Variants in DSC1 observed in about 807,000 individuals in gnomAD.
The protein encoded by DSC1 is desmocollin 1, also known as desmocollin-1.
In DSC1, 79 loss-of-function variants were observed where a neutral mutation model predicts 98.8. That is an observed-to-expected ratio of 0.80 (90% CI 0.67 to 0.96). The LOEUF (loss-of-function observed/expected upper bound fraction) is 0.96. Among genes scored for constraint, DSC1 ranks in the 50% least tolerant of loss-of-function variants. DSC1 has a pLI of 0.00. For synonymous variants in DSC1, 405 were observed against 372.1 expected (o/e 1.09, Z -1.02); for missense variants, 1,115 against 1,075.9 (o/e 1.04, Z -0.51).
intron 3 of DSC1, 101 bp from the exon 4 acceptor site, chr18:31,156,263 A>C: frequency 1.4e-6 from 2 of 1,383,238 alleles, no homozygotes; most frequent in South Asian, 1.4e-5. Context: ...AGGGTTACAC[A>C]TTACAATATC....
At position 31,129,861 on chromosome 18, in the gene DSC1, A is replaced by G. The variant is rs2144907827; in HGVS notation, c.*653T>C. The G allele has an allele frequency of 6.6e-6, 1 of 152,298 alleles. No homozygotes were observed. Among genetic ancestry groups the G allele is most frequent in the Non-Finnish European group, 1.5e-5 (1 of 68,052 alleles). The allele number at this position is 152,298 out of a possible 1,614,324, so 9.4% of individuals were successfully genotyped here. A position where few individuals can be genotyped will look rare whatever the true frequency, so the allele number is the denominator to read the frequency against. On this transcript the variant is annotated 3_prime_UTR_variant, in exon 16 of 16. Coordinates refer to ENST00000257198, the MANE Select transcript of DSC1 (RefSeq NM_024421.2). ...TTGTTCTGGTCCTTATCTTTCCAAG[A>G]ACCCTAGAAGTTGGAGTGACCTAAC...
chr18:31,132,529 TTC>T, intron 14 of DSC1, 37 bp downstream of exon 14: 1 of 1,606,840 alleles, frequency 6.2e-7, no homozygotes, highest in Non-Finnish European at 8.5e-7. Context: ...TCATCATTTG[TTC>T]ACCGTACAAT....
intron 9 of DSC1, among the ~76,000 whole-genome samples, chr18:31,140,615 T>A (rs1030481012): frequency 1.2e-4 from 19 of 152,222 alleles, no homozygotes; most frequent in Admixed American, 1.1e-3. Context: ...CAAATTACTT[T>A]ACTGCTTATT....
rs148753582 is a variant in DSC1, at chr18:31,144,110, G to GT, written c.940-320dup. On this transcript the variant is annotated intron_variant, in intron 7 of 15. Coordinates refer to ENST00000257198, the MANE Select transcript of DSC1 (RefSeq NM_024421.2). ...TTTTTAGTAGAGACAGGGTTTTACT[G>GT]TGTTGCCCAGGCTGGTCACGAACTC... is the stretch of plus-strand genomic sequence containing the variant. 9.7e-3 allele frequency among the ~76,000 whole-genome samples: 1,482 copies of GT among 152,098 alleles called. 8 individuals carry two copies. The highest frequency in any genetic ancestry group is 0.016 in the Non-Finnish European group (1,056 of 67,986).
At chr18:31,130,847 A>T (rs1186011834) in intron 15 of DSC1, 136 bp from the exon 16 acceptor site, 6 of 1,607,704 alleles carry the variant, frequency 3.7e-6, no homozygotes, top group Non-Finnish European at 4.2e-6. Flanking sequence ...TCCTATATAT[A>T]AAAAATGCAC....
At chr18:31,131,213 G>T (rs1194715724) in intron 15 of DSC1, among the ~76,000 whole-genome samples, 1 of 152,044 alleles carries the variant, frequency 6.6e-6, no homozygotes, top group Admixed American at 6.6e-5. Flanking sequence ...TGATAGCCAG[G>T]ACTTCATAAC....
intron 11 of DSC1, among the ~76,000 whole-genome samples, chr18:31,139,219 T>C (rs1988677127): frequency 6.6e-6 from 1 of 152,124 alleles, no homozygotes; most frequent in Non-Finnish European, 1.5e-5. Context: ...AAATTGACCT[T>C]GGTAAAAGAT....
rs1988457771 is a variant in DSC1, at chr18:31,130,400, T to C, written c.*114A>G. ...CTCATATTTATAGTACCCTTACCTA[T>C]ACATGACAAAGTTTACCTCCATAAA... On this transcript the variant is annotated 3_prime_UTR_variant, in exon 16 of 16. Transcript: ENST00000257198. 2 of 1,122,744 alleles carry C rather than the reference T, an allele frequency of 1.8e-6. No homozygotes were observed. Among genetic ancestry groups the C allele is most frequent in the African/African-American group, 1.6e-5 (1 of 64,402 alleles). The allele number at this position is 1,122,744 out of a possible 1,614,324, so 69.5% of individuals were successfully genotyped here.
chr18:31,150,136 CACCATTATCATCGCA>C (rs1988935223), intron 5 of DSC1, among the ~76,000 whole-genome samples: 72 of 147,866 alleles, frequency 4.9e-4, no homozygotes, highest in Non-Finnish European at 5.6e-4. Flanking sequence ...CCACCATTAT[CACCATTATCATCGCA>C]ATCACCACCA....
At chr18:31,134,184 T>G in intron 12 of DSC1, 54 bp from the exon 13 acceptor site, 2 of 1,568,092 alleles carry the variant, frequency 1.3e-6, no homozygotes, top group Admixed American at 3.4e-5. Flanking sequence ...ATGGCAGTAT[T>G]ATTCCTACTC....
chr18:31,149,468 G>T (rs1393277488), intron 5 of DSC1, among the ~76,000 whole-genome samples: 1 of 152,154 alleles, frequency 6.6e-6, no homozygotes, highest in Non-Finnish European at 1.5e-5. Context: ...CAGTTGCCAA[G>T]TTCTAGAGAT....
Position 31,155,175 on chromosome 18 carries a change from C to T in DSC1, c.472-246G>A, listed in dbSNP as rs375991310. 6.6e-5 allele frequency among the ~76,000 whole-genome samples: 10 copies of T among 152,258 alleles called. No homozygotes were observed. The South Asian group carries it at 1.7e-3, about 25-fold the overall frequency. On this transcript the variant is annotated intron_variant, in intron 4 of 15. Transcript: ENST00000257198. ...TTTTGTCATTTGTATATCTATAAAACATGTAGAGTAATACACTTTTCAAGT... is the reference window on the plus strand; with the variant it reads ...TTTTGTCATTTGTATATCTATAAAATATGTAGAGTAATACACTTTTCAAGT...
At chr18:31,140,867 T>C (rs2144928868) in intron 9 of DSC1, among the ~76,000 whole-genome samples, 1 of 152,304 alleles carries the variant, frequency 6.6e-6, no homozygotes, top group South Asian at 2.1e-4. Flanking sequence ...TCTCCCAGAA[T>C]TCCCACCTGT....
At position 31,131,709 on chromosome 18, in the gene DSC1, G is replaced by A. The variant is rs754301512; in HGVS notation, c.2372C>T (p.Ser791Phe). The A allele has an allele frequency of 6.2e-6, 10 of 1,614,062 alleles. No homozygotes were observed. The highest frequency in any genetic ancestry group is 8.5e-6 in the Non-Finnish European group (10 of 1,179,984). The stretch of plus-strand genomic sequence containing the variant: ...GGTCTGATGTCCACCTCCTTTGTTG[G>A]AATCCAAAGTGTAGCCTCCTTTGAC... ...EMVKGGYTLD[S>F]NKGGGHQTLE... The change falls in exon 15 of 16, where the codon TCC becomes TTC. Residue 791 changes from serine (S) to phenylalanine (F), a missense_variant. Transcript: ENST00000257198.
intron 11 of DSC1, among the ~76,000 whole-genome samples, chr18:31,138,592 G>A (rs1019185074): frequency 7.0e-6 from 1 of 143,266 alleles, no homozygotes; most frequent in Non-Finnish European, 1.5e-5. Context: ...TAATATCTGA[G>A]AACACATTGT....
In DSC1 at chr18:31,140,231, T is replaced by C; in HGVS notation, c.1331A>G (p.Lys444Arg). 1 of 1,614,076 alleles carries C rather than the reference T, an allele frequency of 6.2e-7. No individual in the cohort carries two copies. The highest frequency in any genetic ancestry group is 8.5e-7 in the Non-Finnish European group (1 of 1,179,946). The part of the protein sequence containing the change: ...VGVINEAQFS[K>R]AASSQTPTMC... ...TGTAGGAGTTTGTGAGCTCGCTGCT[T>C]TAGAGAATTGTGCCTCGTTAATGAC... Residue 444 changes from lysine to arginine, a missense_variant, in exon 10 of 16, where the codon AAA becomes AGA. Coordinates refer to ENST00000257198, the MANE Select transcript of DSC1 (RefSeq NM_024421.2).
At position 31,130,584 on chromosome 18, in the gene DSC1, T is replaced by C; in HGVS notation, c.2615A>G (p.Glu872Gly). 1 of 1,614,152 alleles carries C rather than the reference T, an allele frequency of 6.2e-7. No individual in the cohort carries two copies. Residue 872 changes from glutamate (E) to glycine (G), a missense_variant, in exon 16 of 16, where the codon GAG becomes GGG. Physicochemically the swap from Glu to Gly is moderately conservative, Grantham distance 98 (BLOSUM62 -2). Coordinates refer to ENST00000257198, the MANE Select transcript of DSC1 (RefSeq NM_024421.2). ...VGCCSDRQEE[E>G]GLEFLDHLEP... is the part of the protein sequence containing the mutation. The stretch of plus-strand genomic sequence containing the variant: ...CAGGTGATCTAGAAACTCCAGTCCC[T>C]CTTCTTCCTGCCGATCGCTGCAGCA...
At chr18:31,159,363 T>G (rs1989166995) in intron 2 of DSC1, 82 bp downstream of exon 2, 1 of 1,468,680 alleles carries the variant, frequency 6.8e-7, no homozygotes, top group Admixed American at 1.8e-5. Context: ...TACTATGTGG[T>G]TTTTATCCCA....
Position 31,159,455 on chromosome 18 carries a change from A to G in DSC1, c.138T>C (p.Leu46=), listed in dbSNP as rs774161438. 36 of 1,613,476 alleles carry G rather than the reference A, an allele frequency of 2.2e-5. No homozygotes were observed. Among genetic ancestry groups the G allele is most frequent in the Non-Finnish European group, 3.1e-5 (36 of 1,179,744 alleles). Residue 46 remains leucine, a synonymous_variant, in exon 2 of 16, where the codon CTT becomes CTC. Coordinates refer to ENST00000257198, the MANE Select transcript of DSC1 (RefSeq NM_024421.2). ...AATAGTGTTTCTCACCTTTGCCTAC[A>G]AGTGTTTCAGCCTGAAGATGAGAAG... The part of the protein sequence containing the change: ...RVPSHLQAET[L]VGKVNLEECL...
Sources: gnomAD v4.1 joint callset for allele counts (sites outside exome capture counted in the v4.1 genomes callset) on GRCh38, gnomAD v4.1.1 for gene constraint, MANE v1.5 for transcripts, NCBI Gene and HGNC (gene_info 2026-07-23, HGNC 2026-07-21) for gene names.